MIPOL1: variants seen among roughly 807,000 people sequenced by gnomAD.
The protein encoded by MIPOL1 is mirror-image polydactyly 1.
A neutral mutation model predicts 60.9 loss-of-function variants in MIPOL1; 57 were observed. The ratio of observed to expected loss-of-function variants is 0.94; its 90% confidence interval spans 0.76 to 1.17. MIPOL1 has a LOEUF of 1.17. MIPOL1 is among the 50% of genes most tolerant of loss of function. The pLI, the probability that MIPOL1 is intolerant of heterozygous loss-of-function variation, is 0.00. For missense variants in MIPOL1, 551 were observed against 511.6 expected, an observed-to-expected ratio of 1.08 and a Z score of -0.74; for synonymous variants, 179 against 168.8, an observed-to-expected ratio of 1.06 and a Z score of -0.47.
intron 11 of MIPOL1, among the ~76,000 whole-genome samples, chr14:37,481,389 G>A (rs148351515): frequency 6.6e-6 from 1 of 152,038 alleles, no homozygotes. Flanking sequence ...ACACAAATAA[G>A]TGGAAGGATA....
At chr14:37,497,419 A>C (rs1474429468) in intron 11 of MIPOL1, among the ~76,000 whole-genome samples, 1 of 152,256 alleles carries the variant, frequency 6.6e-6, no homozygotes, top group East Asian at 1.9e-4. Flanking sequence ...TAGGCCATAT[A>C]TGTAAAGTTA....
intron 1 of MIPOL1, among the ~76,000 whole-genome samples, chr14:37,206,661 G>T (rs1294844612): frequency 6.6e-6 from 1 of 152,222 alleles, no homozygotes. Context: ...CGTGAAAGCA[G>T]CTGGGAGGGA....
At chr14:37,205,493 G>A (rs796565139) in intron 1 of MIPOL1, among the ~76,000 whole-genome samples, 5 of 151,888 alleles carry the variant, frequency 3.3e-5, no homozygotes, top group African/African-American at 1.2e-4. Context: ...AATACCTTAA[G>A]TTCTAGGGTA....
chr14:37,462,730 C>T (rs2094554232), intron 11 of MIPOL1, among the ~76,000 whole-genome samples: 2 of 152,156 alleles, frequency 1.3e-5, no homozygotes, highest in African/African-American at 4.8e-5. Flanking sequence ...AAAATGCTGC[C>T]AGTCGCTTTA....
In MIPOL1 at chr14:37,499,918, T is replaced by C; in HGVS notation, c.1042T>C (p.Ser348Pro). 1 of 1,566,744 alleles carries C rather than the reference T, an allele frequency of 6.4e-7. No individual in the cohort carries two copies. Among genetic ancestry groups the C allele is most frequent in the South Asian group, 1.2e-5 (1 of 85,902 alleles). The change falls in exon 12 of 13, where the codon TCT becomes CCT. Residue 348 changes from serine (S) to proline (P), a missense_variant. Coordinates refer to ENST00000684589, the MANE Select transcript of MIPOL1 (RefSeq NM_001388067.1). Reference protein sequence around the residue: ...TLRVYYSLHKSLSQEENLKDQ... With the variant: ...TLRVYYSLHKPLSQEENLKDQ... ...TTAATATTTTCTCAGTTTACACAAA[T>C]CTTTATCTCAAGAAGAAAATCTGAA...
At chr14:37,341,832 G>A (rs921784332) in intron 9 of MIPOL1, among the ~76,000 whole-genome samples, 1 of 152,180 alleles carries the variant, frequency 6.6e-6, no homozygotes, top group African/African-American at 2.4e-5. Context: ...TATACATACA[G>A]TAAAAATTTG....
chr14:37,493,855 G>T (rs1017465452), intron 11 of MIPOL1, among the ~76,000 whole-genome samples: 1 of 152,158 alleles, frequency 6.6e-6, no homozygotes, highest in Non-Finnish European at 1.5e-5. Context: ...CTCTTTGGCT[G>T]TTATTTCATC....
At chr14:37,371,851 T>A (rs1444256129) in intron 10 of MIPOL1, among the ~76,000 whole-genome samples, 3 of 152,148 alleles carry the variant, frequency 2.0e-5, no homozygotes, top group Non-Finnish European at 4.4e-5. Context: ...CTATGTACCT[T>A]TAAGTTGTCA....
chr14:37,370,959 A>T (rs1407450993), intron 10 of MIPOL1, among the ~76,000 whole-genome samples: 1 of 152,174 alleles, frequency 6.6e-6, no homozygotes, highest in Non-Finnish European at 1.5e-5. Context: ...TTAATATGAT[A>T]TGGCAGTCTC....
intron 9 of MIPOL1, among the ~76,000 whole-genome samples, chr14:37,357,344 G>C (rs552697519): frequency 6.6e-6 from 1 of 152,088 alleles, no homozygotes; most frequent in Non-Finnish European, 1.5e-5. Context: ...TGCTTTGGTT[G>C]CCTGTGCTTG....
intron 1 of MIPOL1, among the ~76,000 whole-genome samples, chr14:37,210,106 T>C (rs556028982): frequency 6.6e-6 from 1 of 152,224 alleles, no homozygotes; most frequent in South Asian, 2.1e-4. Context: ...TGTTTCCCTC[T>C]TCTCTCACAG....
intron 10 of MIPOL1, among the ~76,000 whole-genome samples, chr14:37,417,293 C>T (rs1018972693): frequency 4.6e-5 from 7 of 152,202 alleles, no homozygotes; most frequent in African/African-American, 1.7e-4. Flanking sequence ...GCTTCCACCA[C>T]AAACTCTTTT....
chr14:37,469,475 A>G (rs1269994329), intron 11 of MIPOL1, among the ~76,000 whole-genome samples: 1 of 152,164 alleles, frequency 6.6e-6, no homozygotes, highest in African/African-American at 2.4e-5. Flanking sequence ...CACTTGCAAC[A>G]CTGGGATTAC....
intron 1 of MIPOL1, among the ~76,000 whole-genome samples, chr14:37,223,523 A>C (rs1969184128): frequency 6.6e-6 from 1 of 151,342 alleles, no homozygotes; most frequent in African/African-American, 2.4e-5. Context: ...TTGTTTTGAG[A>C]TGGAGTGTCA....
At chr14:37,224,134 A>G (rs1481793647) in intron 1 of MIPOL1, among the ~76,000 whole-genome samples, 5 of 152,200 alleles carry the variant, frequency 3.3e-5, no homozygotes, top group Admixed American at 2.6e-4. Context: ...TACATGAATC[A>G]TCTCTGAACT....
intron 10 of MIPOL1, chr14:37,397,068 C>G (rs1486787658): frequency 6.6e-6 from 1 of 152,066 alleles, no homozygotes; most frequent in Non-Finnish European, 1.5e-5. Context: ...GTCATATTAC[C>G]AGAGTTGGTT....
chr14:37,255,797 G>A (rs1974825081), intron 3 of MIPOL1, among the ~76,000 whole-genome samples: 2 of 151,736 alleles, frequency 1.3e-5, no homozygotes, highest in Admixed American at 1.3e-4. Context: ...GTAAAATTGT[G>A]TTGAAAAGAT....
chr14:37,205,179 C>T (rs1965891138), intron 1 of MIPOL1, among the ~76,000 whole-genome samples: 1 of 151,906 alleles, frequency 6.6e-6, no homozygotes, highest in African/African-American at 2.4e-5. Context: ...TCTCAGTTCA[C>T]TGCAACCTCC....
chr14:37,365,855 G>A (rs1475767226), intron 9 of MIPOL1, among the ~76,000 whole-genome samples: 1 of 151,960 alleles, frequency 6.6e-6, no homozygotes, highest in Non-Finnish European at 1.5e-5. Flanking sequence ...TCTTTACTGG[G>A]ATACTTTTTA....
Sources: gnomAD v4.1 joint callset for allele counts (sites outside exome capture counted in the v4.1 genomes callset) on GRCh38, gnomAD v4.1.1 for gene constraint, MANE v1.5 for transcripts, NCBI Gene and HGNC (gene_info 2026-07-23, HGNC 2026-07-21) for gene names.